The following CDK17 variants were observed in gnomAD, a reference collection of about 807,000 sequenced individuals.
The protein encoded by CDK17 is cyclin-dependent kinase 17.
Under a neutral mutation model 77.6 loss-of-function variants are expected in CDK17, and 24 were observed. The ratio of observed to expected loss-of-function variants is 0.31; its 90% CI spans 0.22 to 0.44. The LOEUF is 0.44. Ranked by LOEUF, CDK17 falls within the 20% of genes least tolerant of loss-of-function variation. CDK17 has a pLI of 1.00. For synonymous variants in CDK17, 203 were observed against 210.4 expected (o/e 0.96, Z 0.30); for missense variants, 429 against 622.5 (o/e 0.69, Z 3.31).
intron 4 of CDK17, 54 bp from the exon 5 acceptor site, chr12:96,311,231 T>G: frequency 2.8e-6 from 4 of 1,409,078 alleles, no homozygotes; most frequent in Non-Finnish European, 3.8e-6. Flanking sequence ...ATTTGGCTTT[T>G]GTATTCACAG....
At chr12:96,390,321 G>A (rs374479631) in intron 1 of CDK17, among the ~76,000 whole-genome samples, 2 of 149,990 alleles carry the variant, frequency 1.3e-5, no homozygotes, top group African/African-American at 2.4e-5. Context: ...TAGTAGAGAC[G>A]GGTTTCATCA....
chr12:96,304,489 A>T (rs1952551580), intron 5 of CDK17, among the ~76,000 whole-genome samples: 1 of 152,202 alleles, frequency 6.6e-6, no homozygotes, highest in African/African-American at 2.4e-5. Context: ...GTGAGCCAAG[A>T]TCGTGCCACT....
chr12:96,353,775 C>G (rs1411845257), intron 1 of CDK17, among the ~76,000 whole-genome samples: 2 of 151,826 alleles, frequency 1.3e-5, no homozygotes, highest in Non-Finnish European at 2.9e-5. Flanking sequence ...ATTAATAATT[C>G]AATAAGAAAG....
intron 13 of CDK17, chr12:96,284,366 CA>C (rs943357377): frequency 2.7e-5 from 4 of 147,860 alleles, no homozygotes; most frequent in African/African-American, 1.0e-4. Context: ...GAGGCTGAGG[CA>C]GGAGAATGGC....
chr12:96,355,498 G>C (rs193003092), intron 1 of CDK17, among the ~76,000 whole-genome samples: 1 of 146,894 alleles, frequency 6.8e-6, no homozygotes, highest in Non-Finnish European at 1.5e-5. Context: ...CCTGCCTCCC[G>C]GGTTCAAGCG....
At chr12:96,349,402 G>A (rs1054724184) in intron 1 of CDK17, among the ~76,000 whole-genome samples, 1 of 151,944 alleles carries the variant, frequency 6.6e-6, no homozygotes, top group Admixed American at 6.6e-5. Flanking sequence ...GCAATGAGCC[G>A]AGATTGGGCC....
chr12:96,295,209 G>T, intron 9 of CDK17, 87 bp from the exon 10 acceptor site: 2 of 1,009,784 alleles, frequency 2.0e-6, no homozygotes, highest in Non-Finnish European at 1.4e-6. Flanking sequence ...AAAAGCAGCT[G>T]GCCTAGAACA....
In CDK17 at chr12:96,400,438, T is replaced by A. The variant is rs901571354; in HGVS notation, c.-482A>T. On this transcript the variant is annotated 5_prime_UTR_variant, in exon 1 of 17. Coordinates refer to ENST00000261211, the MANE Select transcript of CDK17 (RefSeq NM_002595.5). ...CGCTTTCACACTCGGCGGCTGCGGA[T>A]TGACGCCTCCGCCTGTTCCCCGGAG... 1 of 381,262 alleles carries A rather than the reference T, an allele frequency of 2.6e-6. No individual in the cohort carries two copies. The highest frequency in any genetic ancestry group is 4.6e-6 in the Non-Finnish European group (1 of 215,416). 23.6% of individuals were successfully genotyped at this position (381,262 alleles called of 1,614,324 possible).
chr12:96,349,948 T>C (rs762273196), intron 1 of CDK17, among the ~76,000 whole-genome samples: 2 of 152,204 alleles, frequency 1.3e-5, no homozygotes, highest in African/African-American at 2.4e-5. Flanking sequence ...ACTGCCATGA[T>C]GAAATCAGTT....
chr12:96,337,933 T>C (rs563474217), intron 1 of CDK17, among the ~76,000 whole-genome samples: 6 of 152,330 alleles, frequency 3.9e-5, no homozygotes, highest in African/African-American at 1.4e-4. Flanking sequence ...CTCCGAGCCC[T>C]TGGAATATCC....
Position 96,390,834 on chromosome 12 carries a change from G to A in CDK17, c.-30+9152C>T, listed in dbSNP as rs184675690. On this transcript the variant is annotated intron_variant, in intron 1 of 16. Coordinates refer to ENST00000261211, the MANE Select transcript of CDK17 (RefSeq NM_002595.5). ...ATTTAAAAACAAGGCTGGGTGTGGC[G>A]GCTCAAACCTGTAATCCCAACACTT... Among the ~76,000 whole-genome samples, 342 of 151,358 alleles carry A rather than the reference G, an allele frequency of 2.3e-3. 1 individual carries two copies. The highest frequency in any genetic ancestry group is 3.4e-3 in the Non-Finnish European group (230 of 67,830).
chr12:96,314,571 C>A (rs1446254496), intron 3 of CDK17, among the ~76,000 whole-genome samples: 1 of 152,128 alleles, frequency 6.6e-6, no homozygotes, highest in Non-Finnish European at 1.5e-5. Flanking sequence ...CCACCTTGGC[C>A]TCTCAAAGTG....
At position 96,298,874 on chromosome 12, in the gene CDK17, C is replaced by T; in HGVS notation, c.710G>A (p.Arg237Lys). ...HEEGAPCTAI[R>K]EVSLLKDLKH... ...GTTCTGTATAATTATTATACCTTCT[C>T]TTATAGCTGTGCAGGGTGCACCTTC... is the stretch of plus-strand genomic sequence containing the variant. The change falls in exon 7 of 17, where the codon AGA (arginine) becomes AAA (lysine). Residue 237 changes from arginine to lysine, a missense_variant. Transcript: ENST00000261211. 1 of 1,539,766 alleles carries T rather than the reference C, an allele frequency of 6.5e-7. No homozygotes were observed. The highest frequency in any genetic ancestry group is 2.3e-5 in the East Asian group (1 of 44,380).
At chr12:96,299,292 G>T (rs1000980592) in intron 6 of CDK17, among the ~76,000 whole-genome samples, 1 of 151,982 alleles carries the variant, frequency 6.6e-6, no homozygotes, top group Non-Finnish European at 1.5e-5. Context: ...AAAATCAAAG[G>T]TGCTTTACCT....
At chr12:96,382,484 G>A (rs1257756572) in intron 1 of CDK17, among the ~76,000 whole-genome samples, 2 of 151,850 alleles carry the variant, frequency 1.3e-5, no homozygotes, top group Non-Finnish European at 2.9e-5. Context: ...AAATATCAAG[G>A]AGGGTTTCCT....
At chr12:96,339,530 G>A (rs1953093447) in intron 1 of CDK17, among the ~76,000 whole-genome samples, 1 of 151,606 alleles carries the variant, frequency 6.6e-6, no homozygotes, top group Non-Finnish European at 1.5e-5. Context: ...ATTTTGCTAT[G>A]TGTATTTTAC....
chr12:96,326,971 T>C (rs1952899278), intron 2 of CDK17, among the ~76,000 whole-genome samples: 1 of 152,200 alleles, frequency 6.6e-6, no homozygotes, highest in South Asian at 2.1e-4. Flanking sequence ...GTTTCAAAAA[T>C]ATCACTGTGA....
At chr12:96,308,962 C>G (rs1033780238) in intron 5 of CDK17, among the ~76,000 whole-genome samples, 1 of 152,040 alleles carries the variant, frequency 6.6e-6, no homozygotes, top group Admixed American at 6.6e-5. Flanking sequence ...TTCTCCCTGC[C>G]TCTAGTCTTT....
At chr12:96,381,937 A>C (rs1953890265) in intron 1 of CDK17, among the ~76,000 whole-genome samples, 1 of 152,118 alleles carries the variant, frequency 6.6e-6, no homozygotes, top group Admixed American at 6.5e-5. Context: ...TGCAAATATA[A>C]TTATATTTTT....
Sources: allele counts gnomAD v4.1 joint callset (sites outside exome capture counted in the v4.1 genomes callset), GRCh38; gene constraint gnomAD v4.1.1; transcripts MANE v1.5; gene names NCBI Gene and HGNC (gene_info 2026-07-23, HGNC 2026-07-21).